Variants in IQCJ observed in about 807,000 individuals in gnomAD.
IQCJ encodes IQ domain-containing protein J.
In IQCJ, 9 loss-of-function variants were observed where a neutral mutation model predicts 11.0. That is an observed-to-expected ratio of 0.82 (90% CI 0.49 to 1.43). The LOEUF (loss-of-function observed/expected upper bound fraction) is 1.43, where lower values mean the gene tolerates loss of function less well. IQCJ is among the 40% of genes most tolerant of loss of function. The probability of loss-of-function intolerance (pLI) is 0.00; values close to 1 mark genes in which losing one functional copy is unlikely to be tolerated. For synonymous variants in IQCJ, 55 were observed against 51.3 expected (o/e 1.07, Z -0.31); for missense variants, 146 against 133.2 (o/e 1.10, Z -0.47).
At position 159,262,938 on chromosome 3, in the gene IQCJ, T is replaced by C. The variant is rs578193932; in HGVS notation, c.*207T>C. Reference sequence around the variant, plus strand: ...CATTTATGTGTTCTCATTTCTCTATTATGGAGGTATCTTTTTTGCTTTTCT... The same window carrying C: ...CATTTATGTGTTCTCATTTCTCTATCATGGAGGTATCTTTTTTGCTTTTCT... On this transcript the variant is annotated 3_prime_UTR_variant, in exon 4 of 4. Transcript: ENST00000397832. 12 of 1,313,930 alleles carry C rather than the reference T, an allele frequency of 9.1e-6. No homozygotes were observed. In the South Asian group the frequency reaches 2.5e-4, roughly 28 times the overall value. The allele number at this position is 1,313,930 out of a possible 1,614,324, so 81.4% of individuals were successfully genotyped here.
At position 159,213,166 on chromosome 3, in the gene IQCJ, T is replaced by C. The variant is rs1458295176; in HGVS notation, c.10-32677T>C. Among the ~76,000 whole-genome samples the C allele has an allele frequency of 3.9e-5, 6 of 152,200 alleles. No homozygotes were observed. In the East Asian group the frequency reaches 1.2e-3, roughly 29 times the overall value. ...CCAGAACAGGTAAGAATGCCATATGTGTCGCAGCCCATAATTTGTGGACAG... is the reference window on the plus strand; with the variant it reads ...CCAGAACAGGTAAGAATGCCATATGCGTCGCAGCCCATAATTTGTGGACAG... On this transcript the variant is annotated intron_variant, in intron 1 of 3. Transcript: ENST00000397832.
At chr3:159,080,763 G>A (rs1290452277) in intron 1 of IQCJ, among the ~76,000 whole-genome samples, 4 of 152,252 alleles carry the variant, frequency 2.6e-5, no homozygotes, top group Non-Finnish European at 5.9e-5. Flanking sequence ...CACACAGCTA[G>A]TGAGCTGCAA....
intron 1 of IQCJ, among the ~76,000 whole-genome samples, chr3:159,153,909 G>T (rs188992938): frequency 6.6e-6 from 1 of 152,312 alleles, no homozygotes; most frequent in East Asian, 1.9e-4. Context: ...TCCCACAGAA[G>T]ACTGGTTCCA....
rs1054567560 is a variant in IQCJ, at chr3:159,206,761, T to C, written c.10-39082T>C. Among the ~76,000 whole-genome samples the C allele has an allele frequency of 4.6e-5, 7 of 152,336 alleles. No individual in the cohort carries two copies. In the East Asian group the frequency reaches 1.4e-3, roughly 29 times the overall value. The stretch of plus-strand genomic sequence containing the variant: ...CCTTTTGATACATTCTTCCTTTTCC[T>C]GTAAGTCAGTCAGTCAGCTTCTGTT... On this transcript the variant is annotated intron_variant, in intron 1 of 3. Coordinates refer to ENST00000397832, the MANE Select transcript of IQCJ (RefSeq NM_001042706.3).
chr3:159,152,940 A>T (rs183347892), intron 1 of IQCJ, among the ~76,000 whole-genome samples: 1 of 139,012 alleles, frequency 7.2e-6, no homozygotes, highest in East Asian at 1.9e-4. Flanking sequence ...GAGAGCTGTC[A>T]GGGCCATTTT....
At chr3:159,116,614 G>GTGTGTATATATATATATATA (rs1719017627) in intron 1 of IQCJ, among the ~76,000 whole-genome samples, 1 of 57,708 alleles carries the variant, frequency 1.7e-5, no homozygotes, top group African/African-American at 5.8e-5. Flanking sequence ...CTGCTCATAT[G>GTGTGTATATATATATATATA]TATATATATA....
At chr3:159,094,765 A>G (rs1178315965) in intron 1 of IQCJ, among the ~76,000 whole-genome samples, 1 of 151,898 alleles carries the variant, frequency 6.6e-6, no homozygotes, top group Non-Finnish European at 1.5e-5. Context: ...GTTTTGGGAA[A>G]TAGGACTTGA....
At chr3:159,256,646 C>T (rs1397667022) in intron 3 of IQCJ, among the ~76,000 whole-genome samples, 1 of 152,158 alleles carries the variant, frequency 6.6e-6, no homozygotes, top group Non-Finnish European at 1.5e-5. Flanking sequence ...GCTAACATGT[C>T]TTATTAAATT....
chr3:159,173,266 C>T (rs1722595984), intron 1 of IQCJ, among the ~76,000 whole-genome samples: 2 of 152,062 alleles, frequency 1.3e-5, no homozygotes, highest in South Asian at 4.2e-4. Flanking sequence ...TTCATTGTAC[C>T]AATCATTTTT....
At chr3:159,121,522 A>C (rs1302946159) in intron 1 of IQCJ, among the ~76,000 whole-genome samples, 1 of 152,222 alleles carries the variant, frequency 6.6e-6, no homozygotes, top group Non-Finnish European at 1.5e-5. Flanking sequence ...CAGAAATTTC[A>C]GTCTCTGCCT....
At chr3:159,262,470 G>GT in intron 3 of IQCJ, 78 bp from the exon 4 acceptor site, 1 of 1,546,400 alleles carries the variant, frequency 6.5e-7, no homozygotes, top group Non-Finnish European at 8.7e-7. Context: ...CAGACTCCTT[G>GT]TGAGTTTCTG....
At chr3:159,076,854 G>A (rs888180854) in intron 1 of IQCJ, among the ~76,000 whole-genome samples, 2 of 152,032 alleles carry the variant, frequency 1.3e-5, no homozygotes, top group African/African-American at 4.8e-5. Flanking sequence ...GTGACCTTGG[G>A]GAATTAACTT....
intron 1 of IQCJ, among the ~76,000 whole-genome samples, chr3:159,198,224 G>A (rs1044177052): frequency 1.3e-5 from 2 of 152,170 alleles, no homozygotes; most frequent in Non-Finnish European, 2.9e-5. Flanking sequence ...AAGTAGAAAA[G>A]CATGTGTACT....
chr3:159,238,023 GCCA>G (rs1240344066), intron 1 of IQCJ, among the ~76,000 whole-genome samples: 1 of 152,128 alleles, frequency 6.6e-6, no homozygotes, highest in African/African-American at 2.4e-5. Context: ...TAGAGGAGAA[GCCA>G]CAAGGAAGAA....
rs369279562 is a variant in IQCJ, at chr3:159,245,824, T to C, written c.10-19T>C. The C allele has an allele frequency of 2.6e-6, 4 of 1,535,408 alleles. No homozygotes were observed. Among genetic ancestry groups the C allele is most frequent in the South Asian group, 1.2e-5 (1 of 82,884 alleles). On this transcript the variant is annotated intron_variant, in intron 1 of 3. Transcript: ENST00000397832. Reference sequence around the variant, plus strand: ...GTAGCTGGTGACAATTTGTAAGATATATCTTCTCTTTTTCACAGGAAGAAC... The same window carrying C: ...GTAGCTGGTGACAATTTGTAAGATACATCTTCTCTTTTTCACAGGAAGAAC...
chr3:159,211,414 T>G (rs1199108589), intron 1 of IQCJ, among the ~76,000 whole-genome samples: 4 of 152,232 alleles, frequency 2.6e-5, no homozygotes, highest in Non-Finnish European at 5.9e-5. Flanking sequence ...GAGGAAAGCT[T>G]CAGTTTAAGT....
chr3:159,197,486 C>A (rs1159854727), intron 1 of IQCJ, among the ~76,000 whole-genome samples: 1 of 152,106 alleles, frequency 6.6e-6, no homozygotes, highest in Non-Finnish European at 1.5e-5. Flanking sequence ...CCGAGCCTTC[C>A]CTGGATCAGC....
intron 1 of IQCJ, among the ~76,000 whole-genome samples, chr3:159,196,678 C>G (rs1445762670): frequency 6.6e-6 from 1 of 152,162 alleles, no homozygotes; most frequent in Non-Finnish European, 1.5e-5. Flanking sequence ...TGGCTCATGT[C>G]TCTTTCTTAG....
At chr3:159,208,950 A>G (rs1486386946) in intron 1 of IQCJ, among the ~76,000 whole-genome samples, 1 of 152,184 alleles carries the variant, frequency 6.6e-6, no homozygotes, top group African/African-American at 2.4e-5. Flanking sequence ...GCCAAGAAAC[A>G]CCTGGAGCTG....
Sources: allele counts gnomAD v4.1 joint callset (sites outside exome capture counted in the v4.1 genomes callset), GRCh38; gene constraint gnomAD v4.1.1; transcripts MANE v1.5; gene names NCBI Gene and HGNC (gene_info 2026-07-23, HGNC 2026-07-21).